The following DGKI variants were observed in gnomAD, a reference collection of about 807,000 sequenced individuals.
DGKI encodes the protein diacylglycerol kinase iota, also known as DAG kinase iota.
A neutral mutation model predicts 147.5 loss-of-function variants in DGKI; 55 were observed. That is an observed-to-expected ratio of 0.37 (90% CI 0.30 to 0.47). The LOEUF (loss-of-function observed/expected upper bound fraction) is 0.47, where lower values mean the gene tolerates loss of function less well. Ranked by LOEUF, DGKI falls within the 20% of genes least tolerant of loss-of-function variation. The probability of loss-of-function intolerance (pLI) is 1.00; values close to 1 mark genes in which losing one functional copy is unlikely to be tolerated. For synonymous variants in DGKI, 469 were observed against 477.1 expected (o/e 0.98, Z 0.22); for missense variants, 1,007 against 1,323.8 (o/e 0.76, Z 3.71).
chr7:137,393,462 T>G (rs916999754), intron 32 of DGKI, among the ~76,000 whole-genome samples: 2 of 152,190 alleles, frequency 1.3e-5, no homozygotes, highest in African/African-American at 2.4e-5. Flanking sequence ...GCAGTTGTGC[T>G]GCTGTGGTCT....
chr7:137,479,229 C>T (rs1483564534), intron 23 of DGKI, among the ~76,000 whole-genome samples: 2 of 152,110 alleles, frequency 1.3e-5, no homozygotes, highest in Non-Finnish European at 2.9e-5. Context: ...TTAGATATAC[C>T]ATGCTCCTTT....
intron 28 of DGKI, 39 bp from the exon 29 acceptor site, chr7:137,412,246 A>T (rs1162813081): frequency 6.3e-7 from 1 of 1,582,922 alleles, no homozygotes; most frequent in Non-Finnish European, 8.7e-7. Context: ...TTAGTAGAAG[A>T]CCCTCTTATT....
rs1383526773 is a variant in DGKI, at chr7:137,385,459, A to C, written c.*5761T>G. On this transcript the variant is annotated 3_prime_UTR_variant, in exon 33 of 33. Transcript: ENST00000614521. ...CAAATCACATATTCCTAATCACAAC[A>C]CCCCTCAGAGTGGTCAGGTATCCTC... 6.6e-6 allele frequency: 1 copy of C among 151,890 alleles called. No homozygotes were observed. The highest frequency in any genetic ancestry group is 1.5e-5 in the Non-Finnish European group (1 of 67,956). The allele number at this position is 151,890 out of a possible 1,614,324, so 9.4% of individuals were successfully genotyped here.
At chr7:137,469,941 G>A (rs1046436622) in intron 23 of DGKI, among the ~76,000 whole-genome samples, 2 of 152,136 alleles carry the variant, frequency 1.3e-5, no homozygotes, top group African/African-American at 4.8e-5. Context: ...GTGAAGCCAA[G>A]GAATGAGTGA....
intron 1 of DGKI, among the ~76,000 whole-genome samples, chr7:137,706,740 T>C (rs1794042937): frequency 6.6e-6 from 1 of 151,896 alleles, no homozygotes; most frequent in African/African-American, 2.4e-5. Context: ...ACCTGGCTAC[T>C]TTTTTGTATT....
intron 1 of DGKI, among the ~76,000 whole-genome samples, chr7:137,763,642 T>C (rs1795925694): frequency 6.6e-6 from 1 of 152,274 alleles, no homozygotes; most frequent in African/African-American, 2.4e-5. Context: ...GCTTTCCAGC[T>C]CCTGTCCCAT....
chr7:137,784,737 T>G (rs997521768), intron 1 of DGKI, among the ~76,000 whole-genome samples: 16 of 151,978 alleles, frequency 1.1e-4, no homozygotes, highest in African/African-American at 3.9e-4. Context: ...AAAACAAGTC[T>G]CAGTAAATTT....
intron 6 of DGKI, among the ~76,000 whole-genome samples, chr7:137,633,032 G>A (rs1426211895): frequency 6.6e-6 from 1 of 151,810 alleles, no homozygotes; most frequent in African/African-American, 2.4e-5. Context: ...GACCAACATG[G>A]AGAAACCCTG....
intron 1 of DGKI, among the ~76,000 whole-genome samples, chr7:137,738,877 A>G (rs182236836): frequency 6.6e-6 from 1 of 152,188 alleles, no homozygotes; most frequent in East Asian, 1.9e-4. Context: ...CTAACTGTTC[A>G]TGCCCATAAC....
chr7:137,547,726 G>A (rs1817911342), intron 20 of DGKI, among the ~76,000 whole-genome samples: 1 of 152,198 alleles, frequency 6.6e-6, no homozygotes, highest in African/African-American at 2.4e-5. Flanking sequence ...GCAGAGAAGG[G>A]AGGAGTGAAT....
At position 137,512,638 on chromosome 7, in the gene DGKI, GATCTACCTGCA is replaced by G. The variant is rs572916720; in HGVS notation, c.2248+9217_2248+9227del. Reference sequence around the variant, plus strand: ...ATATTATTTTGGGCAGAGACTTAAGGATCTACCTGCAATTGATTGCTCTCATTGCCAAAGGC... The same window carrying G: ...ATATTATTTTGGGCAGAGACTTAAGGATTGATTGCTCTCATTGCCAAAGGC... On this transcript the variant is annotated intron_variant, in intron 21 of 32. Transcript: ENST00000614521. 1.4e-4 allele frequency among the ~76,000 whole-genome samples: 22 copies of G among 152,278 alleles called. No individual in the cohort carries two copies. In the East Asian group the frequency reaches 3.9e-3, roughly 27 times the overall value.
intron 1 of DGKI, among the ~76,000 whole-genome samples, chr7:137,770,374 TAAAACC>T (rs1563189935): frequency 9.2e-5 from 14 of 152,134 alleles, no homozygotes; most frequent in Admixed American, 4.6e-4. Context: ...ATGAGGGGCT[TAAAACC>T]TAGATGACGG....
rs370415900 is a variant in DGKI at position 137,836,835 on chromosome 7, T to A, written c.401+9627A>T. 1.1e-4 allele frequency among the ~76,000 whole-genome samples: 16 copies of A among 152,326 alleles called. No individual in the cohort carries two copies. The East Asian group carries it at 1.7e-3, about 17-fold the overall frequency. On this transcript the variant is annotated intron_variant, in intron 1 of 32. Coordinates refer to ENST00000614521, the MANE Select transcript of DGKI (RefSeq NM_001321708.2). ...TGCTTAGACATAAAAAGAATGTTCATCCACTCAGCCAATCAACCTTTGTCA... is the reference window on the plus strand; with the variant it reads ...TGCTTAGACATAAAAAGAATGTTCAACCACTCAGCCAATCAACCTTTGTCA...
intron 21 of DGKI, among the ~76,000 whole-genome samples, chr7:137,514,549 T>G (rs1447125422): frequency 1.3e-5 from 2 of 152,240 alleles, no homozygotes; most frequent in Non-Finnish European, 2.9e-5. Flanking sequence ...CTGCTGTTTT[T>G]GTAGCTAACC....
intron 3 of DGKI, among the ~76,000 whole-genome samples, chr7:137,660,973 C>T (rs1002306680): frequency 6.6e-6 from 1 of 152,024 alleles, no homozygotes; most frequent in African/African-American, 2.4e-5. Context: ...CTTTTTGCTG[C>T]CCAAGGTAAG....
chr7:137,657,191 A>C (rs541936245), intron 3 of DGKI, among the ~76,000 whole-genome samples: 1 of 152,366 alleles, frequency 6.6e-6, no homozygotes, highest in Admixed American at 6.5e-5. Flanking sequence ...AGTATTTGCT[A>C]TCTGTTCTTA....
intron 1 of DGKI, among the ~76,000 whole-genome samples, chr7:137,717,094 C>G (rs1794400627): frequency 6.6e-6 from 1 of 152,202 alleles, no homozygotes; most frequent in South Asian, 2.1e-4. Flanking sequence ...CTCTGTCTTA[C>G]TTTGGGCCAC....
chr7:137,449,358 A>T (rs1337198000), intron 27 of DGKI, among the ~76,000 whole-genome samples: 3 of 152,226 alleles, frequency 2.0e-5, no homozygotes, highest in Non-Finnish European at 4.4e-5. Flanking sequence ...ACTGATTTTC[A>T]GCAAAAGCTC....
At chr7:137,634,431 A>G (rs1821240060) in intron 6 of DGKI, among the ~76,000 whole-genome samples, 1 of 152,222 alleles carries the variant, frequency 6.6e-6, no homozygotes, top group Admixed American at 6.5e-5. Context: ...TGCAAGAGGG[A>G]ACTATACACC....
Sources: gnomAD v4.1 joint callset for allele counts (sites outside exome capture counted in the v4.1 genomes callset) on GRCh38, gnomAD v4.1.1 for gene constraint, MANE v1.5 for transcripts, NCBI Gene and HGNC (gene_info 2026-07-23, HGNC 2026-07-21) for gene names.